The following OLFM3 variants were observed in gnomAD, a reference collection of about 807,000 sequenced individuals.
The protein encoded by OLFM3 is noelin-3.
Under a neutral mutation model 48.6 loss-of-function variants are expected in OLFM3, and 20 were observed. The observed-to-expected ratio is 0.41, with a 90% CI of 0.29 to 0.60. The LOEUF is 0.60. Among genes scored for constraint, OLFM3 ranks in the 20% least tolerant of loss-of-function variants. OLFM3 has a pLI of 0.28. For missense variants in OLFM3, 437 were observed against 544.3 expected (o/e 0.80, Z 1.96); for synonymous variants, 222 against 198.1 (o/e 1.12, Z -1.01).
At chr1:101,881,715 C>G (rs1570592067) in intron 1 of OLFM3, among the ~76,000 whole-genome samples, 1 of 151,826 alleles carries the variant, frequency 6.6e-6, no homozygotes, top group Middle Eastern at 3.4e-3. Context: ...TGAGTTGGCT[C>G]TCCCACAGTC....
rs534918048 is a variant in OLFM3, at chr1:101,847,131, C to T, written c.70-10106G>A. ...GGAAAGCTTCGGAACCTCCTTCCCC[C>T]ATCCTCGTGGGAAGTGCCCTGCCCT... On this transcript the variant is annotated intron_variant, in intron 1 of 5. Coordinates refer to ENST00000370103, the MANE Select transcript of OLFM3 (RefSeq NM_058170.4). 4.0e-5 allele frequency: 37 copies of T among 924,034 alleles called. No individual in the cohort carries two copies. The African/African-American group carries it at 6.6e-4, about 16-fold the overall frequency. The allele number at this position is 924,034 out of a possible 1,614,324, so 57.2% of individuals were successfully genotyped here.
intron 1 of OLFM3, among the ~76,000 whole-genome samples, chr1:101,896,716 G>C (rs1343147047): frequency 4.2e-5 from 6 of 143,692 alleles, no homozygotes; most frequent in Non-Finnish European, 9.1e-5. Flanking sequence ...GTTTCACCGT[G>C]GTCTCGATCT....
intron 1 of OLFM3, chr1:101,893,816 A>T (rs1658094455): frequency 6.5e-6 from 1 of 152,852 alleles, no homozygotes; most frequent in Non-Finnish European, 1.5e-5. Flanking sequence ...AACTTTCTTG[A>T]TAATGGCTTT....
chr1:101,920,664 A>T (rs1414742083), intron 1 of OLFM3, among the ~76,000 whole-genome samples: 2 of 152,184 alleles, frequency 1.3e-5, no homozygotes, highest in African/African-American at 4.8e-5. Context: ...TATTTTTCAA[A>T]TTAAGGATTG....
chr1:101,866,257 T>C (rs2100970121), intron 1 of OLFM3, among the ~76,000 whole-genome samples: 1 of 152,282 alleles, frequency 6.6e-6, no homozygotes, highest in East Asian at 1.9e-4. Context: ...CACTACTTTT[T>C]TATTTTAGTT....
At chr1:101,820,287 A>G (rs1181137735) in intron 4 of OLFM3, among the ~76,000 whole-genome samples, 2 of 152,046 alleles carry the variant, frequency 1.3e-5, no homozygotes, top group African/African-American at 4.8e-5. Context: ...GCACCAAACC[A>G]TTGCCCTAAA....
chr1:101,941,394 C>T (rs1659791063), intron 1 of OLFM3, among the ~76,000 whole-genome samples: 1 of 152,030 alleles, frequency 6.6e-6, no homozygotes, highest in Non-Finnish European at 1.5e-5. Flanking sequence ...TGGGAATCTC[C>T]CAGGGGTCTC....
chr1:101,972,633 C>G (rs751681813), intron 1 of OLFM3, among the ~76,000 whole-genome samples: 1 of 152,178 alleles, frequency 6.6e-6, no homozygotes, highest in Non-Finnish European at 1.5e-5. Flanking sequence ...AGGGCTAGAA[C>G]TTACAGTGCT....
chr1:101,979,609 T>A (rs1446412308), intron 1 of OLFM3, among the ~76,000 whole-genome samples: 1 of 152,146 alleles, frequency 6.6e-6, no homozygotes, highest in Non-Finnish European at 1.5e-5. Context: ...GTGGAATGAT[T>A]TCAGAGAATG....
At chr1:101,956,876 T>C (rs1308119248) in intron 1 of OLFM3, among the ~76,000 whole-genome samples, 2 of 151,898 alleles carry the variant, frequency 1.3e-5, no homozygotes, top group Admixed American at 1.3e-4. Flanking sequence ...TCTGTGTCCA[T>C]ATATTATGAC....
At chr1:101,910,710 G>C (rs1052384218) in intron 1 of OLFM3, among the ~76,000 whole-genome samples, 1 of 152,118 alleles carries the variant, frequency 6.6e-6, no homozygotes, top group Non-Finnish European at 1.5e-5. Context: ...AACGTCCTGA[G>C]GGGTTGGGAT....
chr1:101,807,445 A>C (rs916367566), intron 4 of OLFM3, among the ~76,000 whole-genome samples: 3 of 151,736 alleles, frequency 2.0e-5, no homozygotes, highest in Admixed American at 6.6e-5. Flanking sequence ...ATCAATTTCT[A>C]TTAGTTCCTG....
intron 1 of OLFM3, among the ~76,000 whole-genome samples, chr1:101,905,592 C>T (rs1658524704): frequency 6.6e-6 from 1 of 152,082 alleles, no homozygotes; most frequent in Non-Finnish European, 1.5e-5. Flanking sequence ...GGGGAGTGCT[C>T]ATCAAGCTAA....
intron 1 of OLFM3, among the ~76,000 whole-genome samples, chr1:101,865,252 C>G (rs1220806404): frequency 6.6e-6 from 1 of 151,890 alleles, no homozygotes; most frequent in African/African-American, 2.4e-5. Flanking sequence ...TGGAACAGCC[C>G]TGGCCAATCC....
intron 1 of OLFM3, among the ~76,000 whole-genome samples, chr1:101,844,032 C>T (rs985752910): frequency 1.3e-5 from 2 of 152,080 alleles, no homozygotes; most frequent in Non-Finnish European, 2.9e-5. Flanking sequence ...TACAGCAATA[C>T]CTAGTGAGCC....
chr1:101,931,658 G>C (rs1217016554), intron 1 of OLFM3, among the ~76,000 whole-genome samples: 2 of 152,194 alleles, frequency 1.3e-5, no homozygotes, highest in African/African-American at 4.8e-5. Flanking sequence ...ATTATTAATG[G>C]GAAGTGGGAG....
At chr1:101,816,361 A>G (rs1186852452) in intron 4 of OLFM3, among the ~76,000 whole-genome samples, 1 of 152,180 alleles carries the variant, frequency 6.6e-6, no homozygotes, top group East Asian at 1.9e-4. Flanking sequence ...TCTAGTAGGG[A>G]GCAATACGCT....
chr1:101,929,362 A>T (rs566208975), intron 1 of OLFM3, among the ~76,000 whole-genome samples: 2 of 152,192 alleles, frequency 1.3e-5, no homozygotes, highest in Admixed American at 6.6e-5. Flanking sequence ...GCTTTCTTGG[A>T]TCTTGATTAT....
rs1659158127 is a variant in OLFM3 at position 101,923,266 on chromosome 1, C to T, written c.69+73482G>A. 3.3e-5 allele frequency among the ~76,000 whole-genome samples: 5 copies of T among 152,260 alleles called. No homozygotes were observed. In the South Asian group the frequency reaches 1.0e-3, roughly 32 times the overall value. ...TCCTTCCGGTGTGACTATTCCTTTG[C>T]TTTTGAATATTTGCTCCCGAATATA... On this transcript the variant is annotated intron_variant, in intron 1 of 5. Transcript: ENST00000370103.
Sources: gnomAD v4.1 joint callset for allele counts (sites outside exome capture counted in the v4.1 genomes callset) on GRCh38, gnomAD v4.1.1 for gene constraint, MANE v1.5 for transcripts, NCBI Gene and HGNC (gene_info 2026-07-23, HGNC 2026-07-21) for gene names.